CACNA1D: variants seen among roughly 807,000 people sequenced by gnomAD.
CACNA1D encodes voltage-dependent L-type calcium channel subunit alpha-1D.
In CACNA1D, 55 loss-of-function variants were observed where a neutral mutation model predicts 257.1. That is an observed-to-expected ratio of 0.21 (90% CI 0.17 to 0.27). The LOEUF (loss-of-function observed/expected upper bound fraction) is 0.27. CACNA1D is among the 10% of genes least tolerant of loss of function. CACNA1D has a pLI of 1.00. For synonymous variants in CACNA1D, 980 were observed against 1,014.9 expected, an observed-to-expected ratio of 0.97 and a Z score of 0.65; for missense variants, 1,876 against 2,784.0, an observed-to-expected ratio of 0.67 and a Z score of 7.34.
chr3:53,806,419 A>G (rs1327014950), intron 45 of CACNA1D, among the ~76,000 whole-genome samples: 3 of 152,134 alleles, frequency 2.0e-5, no homozygotes, highest in Admixed American at 2.0e-4. Flanking sequence ...TTCCCTCTGC[A>G]GCGGTGGGTG....
At chr3:53,583,694 G>A (rs78289514) in intron 3 of CACNA1D, among the ~76,000 whole-genome samples, 1,838 of 152,298 alleles carry the variant, frequency 0.012, 32 homozygotes, top group South Asian at 0.039. Flanking sequence ...AGATGGACGT[G>A]AGGTGCCCAG....
chr3:53,540,111 A>G (rs1184090276), intron 3 of CACNA1D, among the ~76,000 whole-genome samples: 1 of 141,236 alleles, frequency 7.1e-6, no homozygotes, highest in Non-Finnish European at 1.5e-5. Flanking sequence ...AATGCTATTT[A>G]TTTGTTTGTT....
intron 3 of CACNA1D, among the ~76,000 whole-genome samples, chr3:53,503,071 C>T (rs189419949): frequency 4.6e-5 from 7 of 152,232 alleles, no homozygotes; most frequent in East Asian, 3.9e-4. Context: ...TAAGCCTTAA[C>T]GATTTATGTA....
At chr3:53,544,053 G>T (rs903149952) in intron 3 of CACNA1D, among the ~76,000 whole-genome samples, 3 of 152,080 alleles carry the variant, frequency 2.0e-5, no homozygotes, top group Non-Finnish European at 4.4e-5. Flanking sequence ...CATCAGTGAA[G>T]GCCATTGCTA....
intron 5 of CACNA1D, among the ~76,000 whole-genome samples, chr3:53,662,580 A>C (rs975314500): frequency 6.6e-6 from 1 of 152,220 alleles, no homozygotes; most frequent in Non-Finnish European, 1.5e-5. Flanking sequence ...GGTAGTGACT[A>C]GTGTAAGTTC....
intron 3 of CACNA1D, among the ~76,000 whole-genome samples, chr3:53,629,898 G>A (rs1399172051): frequency 1.3e-5 from 2 of 152,210 alleles, no homozygotes; most frequent in African/African-American, 4.8e-5. Flanking sequence ...GACTGACAGT[G>A]TATTTGCAGT....
chr3:53,722,443 C>T lies in CACNA1D; in HGVS notation c.1635C>T (p.Tyr545=). ...LNTLTISSEH[Y]NQPDWLTQIQ... ...CCTTAACCATTTCCTCTGAGCACTA[C>T]AATCAGCCAGATTGGTTGACACAGA... The change falls in exon 12 of 48, where the codon TAC becomes TAT. Residue 545 remains tyrosine, a synonymous_variant. Transcript: ENST00000350061. 6.2e-7 allele frequency: 1 copy of T among 1,614,178 alleles called. No homozygotes were observed. The highest frequency in any genetic ancestry group is 8.5e-7 in the Non-Finnish European group (1 of 1,180,026).
chr3:53,495,114 C>CA lies in CACNA1D; in HGVS notation c.-51dup. ...CCCCTTCCCCATTCCGCCCCCGCCT[C>CA]AACGCCCAGCACAGTGCCCTGCACA... On this transcript the variant is annotated 5_prime_UTR_variant, in exon 1 of 48. Transcript: ENST00000350061. This position sits in a 1 kb window ranked among gnomAD's most constrained non-coding sequence, Gnocchi z 5.1. 6.6e-7 allele frequency: 1 copy of CA among 1,509,802 alleles called. No homozygotes were observed. Among genetic ancestry groups the CA allele is most frequent in the Non-Finnish European group, 9.2e-7 (1 of 1,086,912 alleles). The allele number at this position is 1,509,802 out of a possible 1,614,324, so 93.5% of individuals were successfully genotyped here. A position where few individuals can be genotyped will look rare whatever the true frequency, so the allele number is the denominator to read the frequency against.
intron 3 of CACNA1D, among the ~76,000 whole-genome samples, chr3:53,561,907 G>A (rs2092747715): frequency 6.6e-6 from 1 of 152,106 alleles, no homozygotes; most frequent in African/African-American, 2.4e-5. Flanking sequence ...TACATTGCAT[G>A]TCTTGATTAC....
At chr3:53,748,876 G>A (rs2095197842) in intron 26 of CACNA1D, among the ~76,000 whole-genome samples, 1 of 152,130 alleles carries the variant, frequency 6.6e-6, no homozygotes, top group South Asian at 2.1e-4. Context: ...TCTCTGTTTG[G>A]GGAAGCACCC....
intron 20 of CACNA1D, among the ~76,000 whole-genome samples, chr3:53,737,147 A>G (rs1330783945): frequency 6.6e-6 from 1 of 151,628 alleles, no homozygotes; most frequent in African/African-American, 2.4e-5. Flanking sequence ...AAAAATACCA[A>G]AAATTAGCCA....
At chr3:53,756,388 G>A (rs1456557802) in intron 29 of CACNA1D, among the ~76,000 whole-genome samples, 2 of 152,200 alleles carry the variant, frequency 1.3e-5, no homozygotes, top group South Asian at 2.1e-4. Flanking sequence ...AGAAAACTCC[G>A]AGCTGGAAGC....
intron 8 of CACNA1D, among the ~76,000 whole-genome samples, chr3:53,683,779 G>A (rs555891540): frequency 6.6e-6 from 1 of 152,216 alleles, no homozygotes; most frequent in East Asian, 1.9e-4. Context: ...AGTTGATGAG[G>A]GCTTAGTGAT....
At chr3:53,597,003 A>G (rs2093379122) in intron 3 of CACNA1D, among the ~76,000 whole-genome samples, 1 of 152,228 alleles carries the variant, frequency 6.6e-6, no homozygotes. Flanking sequence ...CATGAGAGAG[A>G]AAATCGACCT....
chr3:53,744,646 A>T, intron 22 of CACNA1D, 94 bp from the exon 23 acceptor site: 1 of 803,904 alleles, frequency 1.2e-6, no homozygotes, highest in Non-Finnish European at 2.3e-6. Flanking sequence ...CTGTGCAGGG[A>T]TACTAAAGTG....
chr3:53,537,725 C>T (rs2092155406), intron 3 of CACNA1D, among the ~76,000 whole-genome samples: 1 of 152,126 alleles, frequency 6.6e-6, no homozygotes, highest in Non-Finnish European at 1.5e-5. Context: ...CTATTTTAAT[C>T]TGTCTGTTCC....
At chr3:53,589,547 T>G (rs1171915275) in intron 3 of CACNA1D, among the ~76,000 whole-genome samples, 2 of 152,218 alleles carry the variant, frequency 1.3e-5, no homozygotes, top group African/African-American at 4.8e-5. Context: ...CATTTTGATC[T>G]TCCCGCCACC....
chr3:53,667,226 G>A (rs2094275338), intron 7 of CACNA1D, among the ~76,000 whole-genome samples: 3 of 152,322 alleles, frequency 2.0e-5, no homozygotes, highest in South Asian at 2.1e-4. Flanking sequence ...CTCTTTCAAG[G>A]CGAGGGTCTG....
At position 53,673,690 on chromosome 3, in the gene CACNA1D, A is replaced by G. The variant is rs1173490463; in HGVS notation, c.1220+564A>G. ...CTCTTTAGTAAATGGATAACTGATA[A>G]CTGATCTCCTTACATTTTACAGGTA... On this transcript the variant is annotated intron_variant, in intron 8 of 47. Coordinates refer to ENST00000350061, the MANE Select transcript of CACNA1D (RefSeq NM_001128840.3). The surrounding 1 kb of genome is among the most constrained non-coding windows in gnomAD (Gnocchi z 4.1). 6.5e-7 allele frequency: 1 copy of G among 1,538,600 alleles called. No homozygotes were observed. Among genetic ancestry groups the G allele is most frequent in the Non-Finnish European group, 9.0e-7 (1 of 1,110,942 alleles).
Sources: allele counts gnomAD v4.1 joint callset (sites outside exome capture counted in the v4.1 genomes callset), GRCh38; gene constraint gnomAD v4.1.1; non-coding constraint Gnocchi (gnomAD v3.1); transcripts MANE v1.5; gene names NCBI Gene and HGNC (gene_info 2026-07-23, HGNC 2026-07-21).